SLC39A10: variants seen among roughly 807,000 people sequenced by gnomAD.
SLC39A10 encodes zinc transporter ZIP10.
SLC39A10 carries 13 observed loss-of-function variants against 65.1 expected under a neutral mutation model. That is an observed-to-expected ratio of 0.20 (90% confidence interval 0.13 to 0.32). The LOEUF is 0.32. Among genes scored for constraint, SLC39A10 ranks in the 10% least tolerant of loss-of-function variants. The pLI is 1.00. For synonymous variants in SLC39A10, 321 were observed against 342.2 expected (o/e 0.94, Z 0.68); for missense variants, 831 against 1,018.4 (o/e 0.82, Z 2.50).
intron 3 of SLC39A10, among the ~76,000 whole-genome samples, chr2:195,688,555 T>A (rs950159022): frequency 3.3e-5 from 5 of 152,204 alleles, no homozygotes; most frequent in Non-Finnish European, 7.4e-5. Context: ...GAAGTTTTTT[T>A]AAAATTAATA....
At chr2:195,693,054 A>C (rs956722153) in intron 3 of SLC39A10, among the ~76,000 whole-genome samples, 3 of 152,174 alleles carry the variant, frequency 2.0e-5, no homozygotes, top group Non-Finnish European at 4.4e-5. Flanking sequence ...GATTTTGTCA[A>C]ATGCTTTTTC....
At chr2:195,654,139 G>A (rs1482084118), upstream of SLC39A10, among the ~76,000 whole-genome samples, 4 of 151,912 alleles carry the variant, frequency 2.6e-5, no homozygotes, top group African/African-American at 7.3e-5. Context: ...GGGTTTCTCC[G>A]TGTGGGACAG....
chr2:195,723,563 G>C (rs1189092968), intron 8 of SLC39A10, among the ~76,000 whole-genome samples: 1 of 152,094 alleles, frequency 6.6e-6, no homozygotes, highest in African/African-American at 2.4e-5. Flanking sequence ...ACAAACTCCT[G>C]CCGGAATTCT....
upstream of SLC39A10, among the ~76,000 whole-genome samples, chr2:195,652,871 C>T (rs10931705): frequency 0.6 from 91,568 of 151,948 alleles, 28,384 homozygotes; most frequent in Non-Finnish European, 0.69. Context: ...CACCTCCTGT[C>T]AGATCAATGG....
intron 8 of SLC39A10, among the ~76,000 whole-genome samples, chr2:195,719,452 C>T (rs1032418004): frequency 2.6e-5 from 4 of 152,150 alleles, no homozygotes; most frequent in African/African-American, 9.7e-5. Flanking sequence ...AGAGATAGTG[C>T]ATTGAACATT....
chr2:195,735,595 G>T lies in SLC39A10; in HGVS notation c.*554G>T, dbSNP rs1329219307. 1 of 152,458 alleles carries T rather than the reference G, an allele frequency of 6.6e-6. No homozygotes were observed. Among genetic ancestry groups the T allele is most frequent in the African/African-American group, 2.4e-5 (1 of 41,388 alleles). 9.4% of individuals were successfully genotyped at this position (152,458 alleles called of 1,614,324 possible). A position where few individuals can be genotyped will look rare whatever the true frequency, so the allele number is the denominator to read the frequency against. On this transcript the variant is annotated 3_prime_UTR_variant, in exon 10 of 10. Transcript: ENST00000359634. ...TGCATTAGAGTATGAATTTAGCATT[G>T]GGAAAAGCCCTTATTCTTGAATCTA...
intron 1 of SLC39A10, among the ~76,000 whole-genome samples, chr2:195,669,193 C>A (rs1212029758): frequency 1.3e-5 from 2 of 151,824 alleles, no homozygotes; most frequent in African/African-American, 4.8e-5. Flanking sequence ...GTTAAGTAAT[C>A]TAAATTTATT....
At chr2:195,704,302 TAAG>T (rs879861879) in intron 3 of SLC39A10, among the ~76,000 whole-genome samples, 7 of 152,218 alleles carry the variant, frequency 4.6e-5, no homozygotes, top group Admixed American at 6.5e-5. Flanking sequence ...GCCAAAATAA[TAAG>T]GAGAAATATA....
At chr2:195,730,688 T>C (rs151136694) in intron 9 of SLC39A10, among the ~76,000 whole-genome samples, 1 of 152,360 alleles carries the variant, frequency 6.6e-6, no homozygotes, top group Non-Finnish European at 1.5e-5. Flanking sequence ...GTATCTTTAT[T>C]ATAGGCCTTT....
intron 3 of SLC39A10, among the ~76,000 whole-genome samples, chr2:195,705,381 T>C (rs1452647504): frequency 1.3e-5 from 2 of 152,236 alleles, no homozygotes; most frequent in Non-Finnish European, 2.9e-5. Flanking sequence ...GATTATCTAT[T>C]GTTTTAATTC....
intron 2 of SLC39A10, among the ~76,000 whole-genome samples, chr2:195,637,386 A>T (rs1377432578): frequency 6.6e-6 from 1 of 152,198 alleles, no homozygotes; most frequent in Non-Finnish European, 1.5e-5. Context: ...GGAACACAAA[A>T]TATCTCATAT....
chr2:195,704,641 AT>A (rs1309086449), intron 3 of SLC39A10, among the ~76,000 whole-genome samples: 1 of 152,106 alleles, frequency 6.6e-6, no homozygotes. Context: ...TAGCCTGGTG[AT>A]CATCATTAAG....
intron 2 of SLC39A10, among the ~76,000 whole-genome samples, chr2:195,629,452 C>T (rs1314186055): frequency 1.3e-5 from 2 of 151,176 alleles, no homozygotes; most frequent in Non-Finnish European, 1.5e-5. Flanking sequence ...ACACATCTTA[C>T]ACAGTTTATA....
chr2:195,662,625 C>T (rs1347784595), intron 1 of SLC39A10, among the ~76,000 whole-genome samples: 5 of 152,126 alleles, frequency 3.3e-5, no homozygotes, highest in Non-Finnish European at 7.4e-5. Context: ...TCAGATATTC[C>T]TTGCCTTCCC....
chr2:195,675,820 T>A (rs1690063026), intron 1 of SLC39A10, among the ~76,000 whole-genome samples: 1 of 152,214 alleles, frequency 6.6e-6, no homozygotes, highest in Non-Finnish European at 1.5e-5. Context: ...TGTTCATATT[T>A]GGCTGTAGTA....
chr2:195,718,688 T>C (rs1013640978), intron 8 of SLC39A10, among the ~76,000 whole-genome samples: 1 of 152,188 alleles, frequency 6.6e-6, no homozygotes, highest in African/African-American at 2.4e-5. Flanking sequence ...GTAGACTATA[T>C]TTTTAAAAGA....
At chr2:195,703,428 G>C (rs907267586) in intron 3 of SLC39A10, among the ~76,000 whole-genome samples, 11 of 152,002 alleles carry the variant, frequency 7.2e-5, no homozygotes, top group African/African-American at 2.7e-4. Flanking sequence ...CAAAAACAAA[G>C]TTATCAAAAG....
At chr2:195,703,304 C>T (rs2105806004) in intron 3 of SLC39A10, among the ~76,000 whole-genome samples, 1 of 152,246 alleles carries the variant, frequency 6.6e-6, no homozygotes, top group Non-Finnish European at 1.5e-5. Context: ...GAATAATTGG[C>T]ATCTTTGAAA....
rs1472791479 is a variant in SLC39A10 at position 195,706,681 on chromosome 2, G to T, written c.1282G>T (p.Val428Phe). Residue 428 changes from valine (V) to phenylalanine (F), a missense_variant, in exon 4 of 10, where the codon GTT becomes TTT. Around this residue, in one of 4 missense-constraint regions of SLC39A10, gnomAD observed 35 missense variants for 72.4 expected, o/e 0.48. Transcript: ENST00000359634. Reference protein sequence around the residue: ...SLLSLLGVILVPIINQGCFKF... With the variant: ...SLLSLLGVILFPIINQGCFKF... ...GCTTTCCTTGCTAGGCGTGATCTTG[G>T]TTCCTATCATTAACCAAGGATGCTT... The T allele has an allele frequency of 6.2e-7, 1 of 1,609,220 alleles. No individual in the cohort carries two copies. Among genetic ancestry groups the T allele is most frequent in the Non-Finnish European group, 8.5e-7 (1 of 1,177,844 alleles).
Sources: gnomAD v4.1 joint callset for allele counts (sites outside exome capture counted in the v4.1 genomes callset) on GRCh38, gnomAD v4.1.1 for gene constraint, gnomAD v4.1.1 regional missense constraint, MANE v1.5 for transcripts, NCBI Gene and HGNC (gene_info 2026-07-23, HGNC 2026-07-21) for gene names.